Variants in TAF12 observed in about 807,000 individuals in gnomAD.
The protein encoded by TAF12 is TATA-box binding protein associated factor 12, also known as transcription initiation factor TFIID subunit 12.
Under a neutral mutation model 20.8 loss-of-function variants are expected in TAF12, and 3 were observed. The ratio of observed to expected loss-of-function variants is 0.14; its 90% CI spans 0.07 to 0.37. The LOEUF is 0.37. TAF12 is among the 10% of genes least tolerant of loss of function. The probability of loss-of-function intolerance (pLI) is 1.00; values close to 1 mark genes in which losing one functional copy is unlikely to be tolerated. For synonymous variants in TAF12, 69 were observed against 70.2 expected, an observed-to-expected ratio of 0.98 and a Z score of 0.09; for missense variants, 131 against 197.9, an observed-to-expected ratio of 0.66 and a Z score of 2.03.
intron 4 of TAF12, among the ~76,000 whole-genome samples, chr1:28,608,440 A>C (rs1411588312): frequency 1.3e-5 from 2 of 151,866 alleles, no homozygotes; most frequent in Non-Finnish European, 2.9e-5. Flanking sequence ...AAGTAGATAA[A>C]GTGTGCAAAG....
At chr1:28,621,517 T>A (rs1667220941) in intron 2 of TAF12, among the ~76,000 whole-genome samples, 2 of 152,140 alleles carry the variant, frequency 1.3e-5, no homozygotes, top group African/African-American at 4.8e-5. Flanking sequence ...AAAGCACTTA[T>A]CAAAATGAAA....
chr1:28,642,558 G>T, intron 1 of TAF12: 1 of 862,260 alleles, frequency 1.2e-6, no homozygotes, highest in Non-Finnish European at 1.4e-6. Flanking sequence ...AGGAACCTAA[G>T]TCTTCGCTGC....
rs890350429 is a variant in TAF12, at chr1:28,617,861, T to C, written c.246+92A>G. 4 of 1,226,322 alleles carry C rather than the reference T, an allele frequency of 3.3e-6. No homozygotes were observed. In the South Asian group the frequency reaches 3.7e-5, roughly 11 times the overall value. The allele number at this position is 1,226,322 out of a possible 1,614,324, so 76.0% of individuals were successfully genotyped here. A position where few individuals can be genotyped will look rare whatever the true frequency, so the allele number is the denominator to read the frequency against. On this transcript the variant is annotated intron_variant, in intron 3 of 5. Transcript: ENST00000373824. ...TCCTGCTTTGGTCTCTCAAAAGGCA[T>C]GAGCCACTGCATCTGGCCTGTTTGT...
At chr1:28,643,102 C>T, upstream of TAF12, 1 of 985,926 alleles carries the variant, frequency 1.0e-6, no homozygotes, top group Non-Finnish European at 1.2e-6. Flanking sequence ...GGCACCGCTC[C>T]CCGCCTCCAA....
chr1:28,644,436 T>C (rs1668134071), upstream of TAF12, among the ~76,000 whole-genome samples: 1 of 152,244 alleles, frequency 6.6e-6, no homozygotes, highest in Admixed American at 6.5e-5. Flanking sequence ...GGCATACCAC[T>C]TTTTGTTGTT....
At chr1:28,626,761 T>A (rs1667411952) in intron 1 of TAF12, among the ~76,000 whole-genome samples, 1 of 150,754 alleles carries the variant, frequency 6.6e-6, no homozygotes, top group Non-Finnish European at 1.5e-5. Flanking sequence ...ATACAAAAAA[T>A]TAGCCAGGTG....
At chr1:28,640,840 C>A (rs1411674828) in intron 1 of TAF12, among the ~76,000 whole-genome samples, 2 of 151,886 alleles carry the variant, frequency 1.3e-5, no homozygotes, top group African/African-American at 4.8e-5. Flanking sequence ...TTTTGGGAGG[C>A]CAAGGCGGGA....
At chr1:28,635,880 T>C (rs1263577201) in intron 1 of TAF12, among the ~76,000 whole-genome samples, 1 of 152,036 alleles carries the variant, frequency 6.6e-6, no homozygotes, top group Non-Finnish European at 1.5e-5. Flanking sequence ...AAGGTAGCCT[T>C]CAAAACCTTT....
At chr1:28,632,151 G>A (rs1224871524) in intron 1 of TAF12, among the ~76,000 whole-genome samples, 2 of 152,078 alleles carry the variant, frequency 1.3e-5, no homozygotes, top group African/African-American at 2.4e-5. Context: ...GAAATAGAAA[G>A]GAAAGGCCAG....
upstream of TAF12, among the ~76,000 whole-genome samples, chr1:28,644,250 C>T (rs940849535): frequency 6.6e-6 from 1 of 152,130 alleles, no homozygotes; most frequent in Non-Finnish European, 1.5e-5. Context: ...CAGATTGGTG[C>T]GGCATCCTGC....
intron 1 of TAF12, among the ~76,000 whole-genome samples, chr1:28,634,276 C>A (rs998545274): frequency 1.4e-5 from 2 of 138,902 alleles, no homozygotes; most frequent in Non-Finnish European, 3.1e-5. Context: ...ATTAGCCAGG[C>A]GTGGTGGCGC....
intron 5 of TAF12, among the ~76,000 whole-genome samples, chr1:28,604,527 T>G (rs1666602195): frequency 1.3e-5 from 2 of 152,188 alleles, no homozygotes; most frequent in African/African-American, 4.8e-5. Context: ...CTGAAAATGG[T>G]TAACTTGGGA....
rs868215539 is a variant in TAF12, at chr1:28,634,437, C to A, written c.-85+8555G>T. ...TCTCAAAAAAAAAAAAAAAAAAAAA[C>A]CCCACAAAAAACAGGCATTAACTGT... is the stretch of plus-strand genomic sequence containing the variant. On this transcript the variant is annotated intron_variant, in intron 1 of 5. Coordinates refer to ENST00000373824, the MANE Select transcript of TAF12 (RefSeq NM_005644.4). Among the ~76,000 whole-genome samples, 649 of 137,576 alleles carry A rather than the reference C, an allele frequency of 4.7e-3. 9 individuals are homozygous for A. The highest frequency in any genetic ancestry group is 0.014 in the African/African-American group (527 of 36,742). 90.3% of individuals were successfully genotyped at this position (137,576 alleles called of 152,430 possible).
chr1:28,624,762 TA>T (rs1475879922), intron 1 of TAF12, among the ~76,000 whole-genome samples: 1 of 150,870 alleles, frequency 6.6e-6, no homozygotes, highest in Non-Finnish European at 1.5e-5. Flanking sequence ...AAAATAAAAA[TA>T]AAAAAATAAA....
chr1:28,605,243 T>C (rs1178401913), intron 5 of TAF12, 129 bp downstream of exon 5: 1 of 876,916 alleles, frequency 1.1e-6, no homozygotes, highest in African/African-American at 1.7e-5. Context: ...CTCTGACCCT[T>C]GCTCCAGAGA....
chr1:28,616,700 T>C (rs573944326), intron 3 of TAF12, among the ~76,000 whole-genome samples: 16 of 149,876 alleles, frequency 1.1e-4, no homozygotes, highest in African/African-American at 3.7e-4. Context: ...CCTGCCACTA[T>C]ACTCCAGCCT....
chr1:28,642,741 G>A, intron 1 of TAF12: 1 of 985,194 alleles, frequency 1.0e-6, no homozygotes. Flanking sequence ...GCTCCTCTCA[G>A]ACCACTTTCC....
At chr1:28,617,340 A>C (rs1352567414) in intron 3 of TAF12, among the ~76,000 whole-genome samples, 3 of 152,070 alleles carry the variant, frequency 2.0e-5, no homozygotes, top group Admixed American at 6.6e-5. Context: ...TATTTATTGC[A>C]GTGGTACAAT....
rs184751115 is a variant in TAF12, at chr1:28,610,055, C to A, written c.361+3192G>T. Among the ~76,000 whole-genome samples, 133 of 151,976 alleles carry A rather than the reference C, an allele frequency of 8.8e-4. 1 individual carries two copies. Among genetic ancestry groups the A allele is most frequent in the Admixed American group, 2.5e-3 (38 of 15,236 alleles). Reference sequence around the variant, plus strand: ...GCAGTGGCAAGATCTTGGCTCACTGCGACCTCCACCCCACCAGGTTCAAGT... The same window carrying A: ...GCAGTGGCAAGATCTTGGCTCACTGAGACCTCCACCCCACCAGGTTCAAGT... On this transcript the variant is annotated intron_variant, in intron 4 of 5. Coordinates refer to ENST00000373824, the MANE Select transcript of TAF12 (RefSeq NM_005644.4).
Sources: allele counts gnomAD v4.1 joint callset (sites outside exome capture counted in the v4.1 genomes callset), GRCh38; gene constraint gnomAD v4.1.1; transcripts MANE v1.5; gene names NCBI Gene and HGNC (gene_info 2026-07-23, HGNC 2026-07-21).